HSD17B3: variants seen among roughly 807,000 people sequenced by gnomAD.
The protein encoded by HSD17B3 is 17-beta-hydroxysteroid dehydrogenase type 3.
In HSD17B3, 29 loss-of-function variants were observed where a neutral mutation model predicts 41.1. The ratio of observed to expected loss-of-function variants is 0.71; its 90% confidence interval spans 0.53 to 0.96. HSD17B3 has a LOEUF of 0.96. Among genes scored for constraint, HSD17B3 ranks in the 40% least tolerant of loss-of-function variants. The probability of loss-of-function intolerance (pLI) is 0.00; values close to 1 mark genes in which losing one functional copy is unlikely to be tolerated. For synonymous variants in HSD17B3, 126 were observed against 145.6 expected (o/e 0.87, Z 0.97); for missense variants, 323 against 374.6 (o/e 0.86, Z 1.14).
chr9:96,251,516 CAGA>C, intron 4 of HSD17B3, 31 bp from the exon 5 acceptor site: 2 of 1,588,750 alleles, frequency 1.3e-6, no homozygotes, highest in Non-Finnish European at 1.7e-6. Flanking sequence ...AAAAATGTGT[CAGA>C]AGATCAGGTG....
chr9:96,243,747 C>T (rs1231398276), intron 9 of HSD17B3, among the ~76,000 whole-genome samples: 1 of 152,222 alleles, frequency 6.6e-6, no homozygotes, highest in African/African-American at 2.4e-5. Flanking sequence ...GACAGCCCAG[C>T]TCTGCCTAGG....
chr9:96,260,942 G>A (rs917836494), intron 2 of HSD17B3, among the ~76,000 whole-genome samples: 1 of 152,186 alleles, frequency 6.6e-6, no homozygotes, highest in African/African-American at 2.4e-5. Flanking sequence ...AGGGCTCGCA[G>A]TAGTCCCTTC....
chr9:96,249,730 GCACATATATTGAT>G lies in HSD17B3; in HGVS notation c.489+8_489+20del. On this transcript the variant is annotated splice_region_variant and intron_variant, in intron 6 of 10. Coordinates refer to ENST00000375263, the MANE Select transcript of HSD17B3 (RefSeq NM_000197.2). ...AAGTTACTACATGTTAATGCATTTCGCACATATATTGATCACATACCTTGACTACGGAGGTGAT... is the reference window on the plus strand; with the variant it reads ...AAGTTACTACATGTTAATGCATTTCGCACATACCTTGACTACGGAGGTGAT... 6.2e-7 allele frequency: 1 copy of G among 1,611,338 alleles called. No homozygotes were observed. Among genetic ancestry groups the G allele is most frequent in the East Asian group, 2.2e-5 (1 of 44,864 alleles).
chr9:96,243,057 G>A (rs919538953), intron 9 of HSD17B3, among the ~76,000 whole-genome samples: 7 of 152,200 alleles, frequency 4.6e-5, no homozygotes, highest in African/African-American at 1.7e-4. Flanking sequence ...TGGCATGTCG[G>A]CTGCTCCGTC....
chr9:96,298,261 A>G (rs1362800970), intron 2 of HSD17B3, among the ~76,000 whole-genome samples, 155 bp downstream of exon 2: 1 of 152,132 alleles, frequency 6.6e-6, no homozygotes. Context: ...AGGGAGTGAG[A>G]TTATTATTTT....
intron 2 of HSD17B3, among the ~76,000 whole-genome samples, chr9:96,259,514 A>C (rs1355140200): frequency 1.3e-5 from 2 of 152,282 alleles, no homozygotes; most frequent in Admixed American, 1.3e-4. Flanking sequence ...TGAGGTCAGG[A>C]GTTCGAGACC....
chr9:96,268,662 T>C (rs1826126513), intron 2 of HSD17B3, among the ~76,000 whole-genome samples: 1 of 152,230 alleles, frequency 6.6e-6, no homozygotes, highest in Non-Finnish European at 1.5e-5. Context: ...ACAAAAACTT[T>C]GGAAAGCCAG....
chr9:96,247,857 C>T (rs968164446), intron 6 of HSD17B3, among the ~76,000 whole-genome samples: 12 of 152,162 alleles, frequency 7.9e-5, no homozygotes, highest in African/African-American at 2.4e-5. Context: ...TCTCCCATCC[C>T]TGCCCCGAAA....
intron 2 of HSD17B3, among the ~76,000 whole-genome samples, chr9:96,283,678 G>GT (rs972139091): frequency 1.1e-4 from 17 of 152,146 alleles, no homozygotes; most frequent in African/African-American, 4.1e-4. Flanking sequence ...TGTCAATCAT[G>GT]TTTTTTACTG....
In HSD17B3 at chr9:96,294,394, G is replaced by A. The variant is rs189271489; in HGVS notation, c.201+4022C>T. Among the ~76,000 whole-genome samples, 62 of 152,324 alleles carry A rather than the reference G, an allele frequency of 4.1e-4. 2 individuals carry two copies. Among genetic ancestry groups the A allele is most frequent in the Admixed American group, 3.7e-3 (57 of 15,304 alleles). Reference sequence around the variant, plus strand: ...ATGTGTAACTTGTCCAAAATCTCCAGACAGCATCATGGTGAAGACTGGAAC... The same window carrying A: ...ATGTGTAACTTGTCCAAAATCTCCAAACAGCATCATGGTGAAGACTGGAAC... On this transcript the variant is annotated intron_variant, in intron 2 of 10. Coordinates refer to ENST00000375263, the MANE Select transcript of HSD17B3 (RefSeq NM_000197.2).
chr9:96,255,831 G>A (rs545766608), intron 2 of HSD17B3, among the ~76,000 whole-genome samples: 3 of 152,272 alleles, frequency 2.0e-5, no homozygotes, highest in African/African-American at 7.2e-5. Flanking sequence ...AGCTGGACGC[G>A]TCCCCTGAGA....
intron 2 of HSD17B3, among the ~76,000 whole-genome samples, chr9:96,277,835 G>GCACACACACACACACACACA: frequency 6.9e-6 from 1 of 145,924 alleles, no homozygotes; most frequent in Non-Finnish European, 1.5e-5. Flanking sequence ...GGAAAATGTG[G>GCACACACACACACACACACA]CACACACACA....
At chr9:96,238,319 A>G (rs1836304906) in intron 10 of HSD17B3, among the ~76,000 whole-genome samples, 1 of 152,184 alleles carries the variant, frequency 6.6e-6, no homozygotes, top group African/African-American at 2.4e-5. Context: ...AAGGGATGCC[A>G]TCCCCACTGG....
At chr9:96,271,783 A>T (rs1016068293) in intron 2 of HSD17B3, among the ~76,000 whole-genome samples, 1 of 152,156 alleles carries the variant, frequency 6.6e-6, no homozygotes, top group Non-Finnish European at 1.5e-5. Context: ...TACTATCAAC[A>T]TCTATAGCAA....
At chr9:96,299,189 G>A (rs192321462) in intron 1 of HSD17B3, among the ~76,000 whole-genome samples, 97 of 152,160 alleles carry the variant, frequency 6.4e-4, no homozygotes, top group Middle Eastern at 6.8e-3. Flanking sequence ...ACTACAATTC[G>A]GTATATCGTA....
At chr9:96,253,867 C>G (rs1029375720) in intron 3 of HSD17B3, among the ~76,000 whole-genome samples, 5 of 152,104 alleles carry the variant, frequency 3.3e-5, no homozygotes, top group African/African-American at 1.2e-4. Flanking sequence ...CTTCTGATAT[C>G]CAGACACAGA....
intron 9 of HSD17B3, among the ~76,000 whole-genome samples, 185 bp from the exon 10 acceptor site, chr9:96,241,092 C>G (rs1222868794): frequency 6.6e-6 from 1 of 152,130 alleles, no homozygotes; most frequent in African/African-American, 2.4e-5. Flanking sequence ...TTTGGTTTCT[C>G]AAGATGAGAA....
At chr9:96,235,676 C>G (rs944005563) in intron 10 of HSD17B3, 106 bp from the exon 11 acceptor site, 2 of 890,936 alleles carry the variant, frequency 2.2e-6, no homozygotes, top group African/African-American at 3.3e-5. Context: ...AAAGTGGAGC[C>G]CCAGAACCTT....
At chr9:96,280,125 A>G (rs1466916228) in intron 2 of HSD17B3, among the ~76,000 whole-genome samples, 1 of 152,154 alleles carries the variant, frequency 6.6e-6, no homozygotes, top group Non-Finnish European at 1.5e-5. Flanking sequence ...GCTGTGCCTG[A>G]ATTCCAAAGG....
Sources: gnomAD v4.1 joint callset for allele counts (sites outside exome capture counted in the v4.1 genomes callset) on GRCh38, gnomAD v4.1.1 for gene constraint, MANE v1.5 for transcripts, NCBI Gene and HGNC (gene_info 2026-07-23, HGNC 2026-07-21) for gene names.